The following FKBP15 variants were observed in gnomAD, a reference collection of about 807,000 sequenced individuals.
FKBP15 encodes the protein FK506-binding protein 15.
Under a neutral mutation model 158.1 loss-of-function variants are expected in FKBP15, and 106 were observed. That is an observed-to-expected ratio of 0.67 (90% CI 0.57 to 0.79). The LOEUF (loss-of-function observed/expected upper bound fraction) is 0.79. Among genes scored for constraint, FKBP15 ranks in the 30% least tolerant of loss-of-function variants. FKBP15 has a pLI of 0.00. For missense variants in FKBP15, 1,287 were observed against 1,479.1 expected, an observed-to-expected ratio of 0.87 and a Z score of 2.13; for synonymous variants, 547 against 548.6, an observed-to-expected ratio of 1.00 and a Z score of 0.04.
intron 3 of FKBP15, chr9:113,206,986 C>T (rs1830900621): frequency 6.2e-6 from 3 of 487,310 alleles, no homozygotes; most frequent in Admixed American, 6.8e-5. Context: ...GAGCATTTGA[C>T]AGCTGTTGAG....
At chr9:113,216,904 CTTTTTTT>C (rs71491083) in intron 1 of FKBP15, among the ~76,000 whole-genome samples, 1 of 131,790 alleles carries the variant, frequency 7.6e-6, no homozygotes, top group Non-Finnish European at 1.6e-5. Flanking sequence ...ATTCCATTTT[CTTTTTTT>C]TTTTTTTTTT....
At chr9:113,216,128 G>GA (rs11330296) in intron 1 of FKBP15, among the ~76,000 whole-genome samples, 3,323 of 125,570 alleles carry the variant, frequency 0.026, 47 homozygotes, top group Non-Finnish European at 0.033. Flanking sequence ...AAAGCAAACC[G>GA]AAAAAAAAAA....
intron 5 of FKBP15, 133 bp downstream of exon 5, chr9:113,202,828 G>C: frequency 1.2e-6 from 1 of 811,808 alleles, no homozygotes; most frequent in Non-Finnish European, 2.0e-6. Context: ...CTTTCTGAAA[G>C]GTTCTGTTAG....
At chr9:113,170,713 A>C in intron 24 of FKBP15, 84 bp from the exon 25 acceptor site, 1 of 949,096 alleles carries the variant, frequency 1.1e-6, no homozygotes, top group East Asian at 2.4e-5. Flanking sequence ...GGAAGGCCAA[A>C]ATGAAGCCAT....
chr9:113,219,241 CCTACTT>C (rs1340849074), intron 1 of FKBP15, among the ~76,000 whole-genome samples: 3 of 152,168 alleles, frequency 2.0e-5, no homozygotes, highest in Non-Finnish European at 1.5e-5. Flanking sequence ...ATCAGATACT[CCTACTT>C]CTATTAGGCT....
rs1266805467 is a variant in FKBP15 at position 113,171,717 on chromosome 9, A to G, written c.2533-11T>C. ...CTGGAGGGCTAAACACTGCAAAACA[A>G]ACAGACTGTGGCTGTGGCCTCAGGA... On this transcript the variant is annotated splice_polypyrimidine_tract_variant and intron_variant, in intron 23 of 27. Transcript: ENST00000238256. The G allele has an allele frequency of 6.4e-7, 1 of 1,550,782 alleles. No homozygotes were observed. The highest frequency in any genetic ancestry group is 8.7e-7 in the Non-Finnish European group (1 of 1,152,480).
At chr9:113,183,922 T>G (rs1399054395) in intron 17 of FKBP15, 77 bp from the exon 18 acceptor site, 2 of 1,014,982 alleles carry the variant, frequency 2.0e-6, no homozygotes. Flanking sequence ...CAACTTGAAC[T>G]GACAGGTGAC....
chr9:113,162,767 T>TG lies in FKBP15; in HGVS notation c.*3310dup. 6.2e-7 allele frequency: 1 copy of TG among 1,613,176 alleles called. No homozygotes were observed. Among genetic ancestry groups the TG allele is most frequent in the Non-Finnish European group, 8.5e-7 (1 of 1,179,474 alleles). ...TATCTAGGTGGTATTTGTGTCACTTTGGCCAGTCTCTAATCCATGTCATCC... is the reference window on the plus strand; with the variant it reads ...TATCTAGGTGGTATTTGTGTCACTTTGGGCCAGTCTCTAATCCATGTCATCC... On this transcript the variant is annotated 3_prime_UTR_variant, in exon 28 of 28. Coordinates refer to ENST00000238256, the MANE Select transcript of FKBP15 (RefSeq NM_015258.2).
intron 14 of FKBP15, 86 bp downstream of exon 14, chr9:113,187,707 G>A (rs1830508283): frequency 3.7e-6 from 4 of 1,091,982 alleles, no homozygotes; most frequent in East Asian, 2.6e-5. Context: ...AACTGCTACT[G>A]TATGAAATGT....
chr9:113,188,703 A>G, intron 12 of FKBP15: 1 of 514,524 alleles, frequency 1.9e-6, no homozygotes, highest in Non-Finnish European at 3.5e-6. Flanking sequence ...CCCTATAATC[A>G]TATTGAATAA....
At chr9:113,200,841 C>T (rs1266744074) in intron 6 of FKBP15, among the ~76,000 whole-genome samples, 1 of 151,892 alleles carries the variant, frequency 6.6e-6, no homozygotes, top group East Asian at 1.9e-4. Flanking sequence ...GTCAAGAGAT[C>T]GAGACCATCC....
chr9:113,172,685 A>G (rs1471527438), intron 23 of FKBP15, among the ~76,000 whole-genome samples: 2 of 152,300 alleles, frequency 1.3e-5, no homozygotes, highest in Admixed American at 1.3e-4. Context: ...TAAAAAATAT[A>G]ATGAAAAAAG....
chr9:113,185,993 C>T (rs1830478747), intron 15 of FKBP15, among the ~76,000 whole-genome samples: 1 of 152,136 alleles, frequency 6.6e-6, no homozygotes, highest in East Asian at 1.9e-4. Context: ...CACAAGGAAA[C>T]ATTGGGGGAT....
chr9:113,186,298 G>T lies in FKBP15; in HGVS notation c.1449C>A (p.Pro483=). ...GCGGTGCTGGGTACAAAGGCCGAAC[G>T]GGCTGCAGCTGGGAGGTGACGGCAG... ...QASAVTSQLQ[P]VRPLYPAPLS... The change falls in exon 15 of 28, where the codon CCC becomes CCA. Residue 483 remains proline, a synonymous_variant. Coordinates refer to ENST00000238256, the MANE Select transcript of FKBP15 (RefSeq NM_015258.2). 6.4e-7 allele frequency: 1 copy of T among 1,571,284 alleles called. No individual in the cohort carries two copies. The highest frequency in any genetic ancestry group is 2.3e-5 in the East Asian group (1 of 42,612).
chr9:113,208,791 G>A (rs932231306), intron 2 of FKBP15, among the ~76,000 whole-genome samples: 10 of 152,086 alleles, frequency 6.6e-5, no homozygotes, highest in African/African-American at 2.4e-4. Context: ...CAGATCACTT[G>A]TGGTCAGGAG....
At chr9:113,189,012 A>T (rs566648587) in intron 12 of FKBP15, among the ~76,000 whole-genome samples, 90 of 152,212 alleles carry the variant, frequency 5.9e-4, no homozygotes, top group Non-Finnish European at 9.0e-4. Flanking sequence ...TTTTTCCAAC[A>T]TTCTTTATTT....
chr9:113,187,048 A>C (rs900851991), intron 14 of FKBP15: 3 of 152,248 alleles, frequency 2.0e-5, no homozygotes, highest in African/African-American at 7.2e-5. Context: ...AGGGATAGAT[A>C]TAACTACGCA....
At chr9:113,171,992 TC>T (rs887977732) in intron 23 of FKBP15, among the ~76,000 whole-genome samples, 5 of 146,700 alleles carry the variant, frequency 3.4e-5, no homozygotes, top group East Asian at 2.1e-4. Context: ...ATGCTATCCC[TC>T]CCCCCGTCCC....
chr9:113,194,528 T>C (rs1439822623), intron 9 of FKBP15, among the ~76,000 whole-genome samples: 1 of 151,904 alleles, frequency 6.6e-6, no homozygotes, highest in Non-Finnish European at 1.5e-5. Context: ...ATTTTACTTA[T>C]TTTTCCTTAC....
Sources: gnomAD v4.1 joint callset for allele counts (sites outside exome capture counted in the v4.1 genomes callset) on GRCh38, gnomAD v4.1.1 for gene constraint, MANE v1.5 for transcripts, NCBI Gene and HGNC (gene_info 2026-07-23, HGNC 2026-07-21) for gene names.